ASXL2: variants seen among roughly 807,000 people sequenced by gnomAD.
ASXL2 encodes the protein ASXL transcriptional regulator 2, also known as putative Polycomb group protein ASXL2.
A neutral mutation model predicts 122.0 loss-of-function variants in ASXL2; 23 were observed. The ratio of observed to expected loss-of-function variants is 0.19; its 90% CI spans 0.14 to 0.27. The LOEUF (loss-of-function observed/expected upper bound fraction) is 0.27, where lower values mean the gene tolerates loss of function less well. ASXL2 is among the 10% of genes least tolerant of loss of function. The pLI is 1.00. For synonymous variants in ASXL2, 650 were observed against 637.0 expected (o/e 1.02, Z -0.31); for missense variants, 1,518 against 1,713.8 (o/e 0.89, Z 2.02).
intron 3 of ASXL2, among the ~76,000 whole-genome samples, chr2:25,811,055 T>TACACACACACACACACAC (rs34006530): frequency 6.0e-4 from 70 of 116,432 alleles, no homozygotes; most frequent in African/African-American, 1.8e-3. Flanking sequence ...AATACAAAAA[T>TACACACACACACACACAC]ACACACACAC....
In ASXL2 at chr2:25,741,000, G is replaced by A. The variant is rs928918867; in HGVS notation, c.*1029C>T. ...ACTAGGTTAACAGGTTGGGAGAGAA[G>A]AGGAAAAGAGAAGCGACCTTGTTCT... On this transcript the variant is annotated 3_prime_UTR_variant, in exon 13 of 13. Coordinates refer to ENST00000435504, the MANE Select transcript of ASXL2 (RefSeq NM_018263.6). 1.6e-5 allele frequency: 3 copies of A among 192,968 alleles called. No homozygotes were observed. Among genetic ancestry groups the A allele is most frequent in the Non-Finnish European group, 2.2e-5 (2 of 92,514 alleles). The allele number at this position is 192,968 out of a possible 1,614,324, so 12.0% of individuals were successfully genotyped here.
At chr2:25,842,337 A>G (rs2089592902) in intron 2 of ASXL2, among the ~76,000 whole-genome samples, 1 of 152,168 alleles carries the variant, frequency 6.6e-6, no homozygotes, top group Non-Finnish European at 1.5e-5. Flanking sequence ...CATTACCACA[A>G]TATAGTTTAA....
At chr2:25,833,520 C>T (rs957863769) in intron 3 of ASXL2, among the ~76,000 whole-genome samples, 1 of 152,072 alleles carries the variant, frequency 6.6e-6, no homozygotes, top group African/African-American at 2.4e-5. Context: ...CACAGTGAAA[C>T]CCCATCTCTA....
chr2:25,801,501 T>C (rs1304077592), intron 4 of ASXL2, among the ~76,000 whole-genome samples: 1 of 152,240 alleles, frequency 6.6e-6, no homozygotes, highest in Non-Finnish European at 1.5e-5. Context: ...TTTCTTAAAA[T>C]ACACACCCTA....
At chr2:25,832,133 G>GA (rs1208978149) in intron 3 of ASXL2, among the ~76,000 whole-genome samples, 1 of 152,288 alleles carries the variant, frequency 6.6e-6, no homozygotes, top group East Asian at 1.9e-4. Flanking sequence ...AGAAAAAACA[G>GA]AAAGAACAGG....
intron 3 of ASXL2, among the ~76,000 whole-genome samples, chr2:25,822,043 C>A (rs1337823994): frequency 6.6e-6 from 1 of 152,158 alleles, no homozygotes; most frequent in African/African-American, 2.4e-5. Context: ...ATCTCACTGG[C>A]AAGAAGCCTA....
At chr2:25,782,050 C>T (rs11688261) in intron 5 of ASXL2, among the ~76,000 whole-genome samples, 56,213 of 146,602 alleles carry the variant, frequency 0.38, 12,578 homozygotes, top group Non-Finnish European at 0.51. Flanking sequence ...AAGTGATCCT[C>T]CTGCCCTACC....
intron 12 of ASXL2, among the ~76,000 whole-genome samples, chr2:25,746,568 T>C (rs1574392867): frequency 1.3e-5 from 2 of 151,276 alleles, no homozygotes; most frequent in Admixed American, 6.6e-5. Context: ...GGGGAATTTA[T>C]ATAGGGACAA....
chr2:25,799,359 T>G, intron 5 of ASXL2, 26 bp downstream of exon 5: 1 of 1,613,932 alleles, frequency 6.2e-7, no homozygotes, highest in Non-Finnish European at 8.5e-7. Flanking sequence ...CATTTAGTAC[T>G]TTATTGAAGG....
intron 4 of ASXL2, among the ~76,000 whole-genome samples, chr2:25,800,062 C>G (rs1472653543): frequency 6.6e-6 from 1 of 151,296 alleles, no homozygotes; most frequent in Non-Finnish European, 1.5e-5. Flanking sequence ...ACTTGGGAGG[C>G]CAAGGTGGGA....
rs747981502 is a variant in ASXL2 at position 25,742,007 on chromosome 2, A to C, written c.*22T>G. On this transcript the variant is annotated 3_prime_UTR_variant, in exon 13 of 13. Coordinates refer to ENST00000435504, the MANE Select transcript of ASXL2 (RefSeq NM_018263.6). Reference sequence around the variant, plus strand: ...AACCCTTCCCTTCCCCCTCCTTTACAGTGTATCTCTTTCTAGTCTCATTAC... The same window carrying C: ...AACCCTTCCCTTCCCCCTCCTTTACCGTGTATCTCTTTCTAGTCTCATTAC... 1 of 1,590,058 alleles carries C rather than the reference A, an allele frequency of 6.3e-7. No homozygotes were observed. The highest frequency in any genetic ancestry group is 1.1e-5 in the South Asian group (1 of 88,426).
chr2:25,802,230 T>A (rs2089010408), intron 4 of ASXL2, among the ~76,000 whole-genome samples: 1 of 152,204 alleles, frequency 6.6e-6, no homozygotes, highest in South Asian at 2.1e-4. Context: ...TTAATTCTTA[T>A]TTCTCTATAT....
At chr2:25,750,964 G>A (rs1160002850) in intron 11 of ASXL2, among the ~76,000 whole-genome samples, 1 of 152,216 alleles carries the variant, frequency 6.6e-6, no homozygotes, top group East Asian at 1.9e-4. Context: ...ATGTTCTATA[G>A]AGGCTGAGAA....
In ASXL2 at chr2:25,741,886, T is replaced by C. The variant is rs2087833203; in HGVS notation, c.*143A>G. 1.9e-5 allele frequency: 15 copies of C among 770,676 alleles called. No individual in the cohort carries two copies. Among genetic ancestry groups the C allele is most frequent in the Non-Finnish European group, 2.5e-5 (12 of 488,582 alleles). 47.7% of individuals were successfully genotyped at this position (770,676 alleles called of 1,614,324 possible). On this transcript the variant is annotated 3_prime_UTR_variant, in exon 13 of 13. Coordinates refer to ENST00000435504, the MANE Select transcript of ASXL2 (RefSeq NM_018263.6). ...TCTAAAATGTAAAAAATCTGTACTT[T>C]GTATTCCTGATTAAGTAACATTTGT...
chr2:25,825,497 A>T (rs1285411787), intron 3 of ASXL2, among the ~76,000 whole-genome samples: 1 of 152,204 alleles, frequency 6.6e-6, no homozygotes, highest in African/African-American at 2.4e-5. Flanking sequence ...GTCTCTATGA[A>T]TCTGACTACT....
intron 6 of ASXL2, among the ~76,000 whole-genome samples, chr2:25,770,033 C>T (rs72799666): frequency 0.019 from 2,868 of 152,270 alleles, 46 homozygotes; most frequent in Non-Finnish European, 0.03. Flanking sequence ...ATCGCTTATT[C>T]TCTCATTCTT....
At position 25,767,763 on chromosome 2, in the gene ASXL2, T is replaced by C. The variant is rs775681853; in HGVS notation, c.632-37A>G. On this transcript the variant is annotated intron_variant, in intron 7 of 12. Coordinates refer to ENST00000435504, the MANE Select transcript of ASXL2 (RefSeq NM_018263.6). ...AAATACGTATAAAGACTGGTAGCAC[T>C]GAGATTATAGACAGAATCAATTAAT... The C allele has an allele frequency of 6.2e-6, 10 of 1,608,550 alleles. No homozygotes were observed. In the South Asian group the frequency reaches 9.9e-5, roughly 16 times the overall value.
chr2:25,844,834 A>G (rs1419690585), intron 2 of ASXL2, among the ~76,000 whole-genome samples: 1 of 151,930 alleles, frequency 6.6e-6, no homozygotes, highest in Non-Finnish European at 1.5e-5. Flanking sequence ...ATGAGGTTTC[A>G]CTATGTTGGC....
At chr2:25,839,621 T>A (rs1574442115) in intron 2 of ASXL2, among the ~76,000 whole-genome samples, 1 of 149,272 alleles carries the variant, frequency 6.7e-6, no homozygotes, top group South Asian at 2.1e-4. Context: ...TATCTTTTTT[T>A]TTTTTTTTTT....
Sources: gnomAD v4.1 joint callset for allele counts (sites outside exome capture counted in the v4.1 genomes callset) on GRCh38, gnomAD v4.1.1 for gene constraint, MANE v1.5 for transcripts, NCBI Gene and HGNC (gene_info 2026-07-23, HGNC 2026-07-21) for gene names.